The following PROX1 variants were observed in gnomAD, a reference collection of about 807,000 sequenced individuals.
The protein encoded by PROX1 is prospero homeobox 1.
A neutral mutation model predicts 58.8 loss-of-function variants in PROX1; 7 were observed. The ratio of observed to expected loss-of-function variants is 0.12; its 90% CI spans 0.07 to 0.22. PROX1 has a LOEUF of 0.22. Among genes scored for constraint, PROX1 ranks in the 10% least tolerant of loss-of-function variants. PROX1 has a pLI of 1.00. For missense variants in PROX1, 675 were observed against 927.8 expected (o/e 0.73, Z 3.54); for synonymous variants, 350 against 358.3 (o/e 0.98, Z 0.26).
chr1:213,991,157 T>C (rs1663021528), intron 1 of PROX1, among the ~76,000 whole-genome samples: 1 of 152,156 alleles, frequency 6.6e-6, no homozygotes, highest in Non-Finnish European at 1.5e-5. Context: ...AATAGTAAAA[T>C]AGGTGAAGCT....
At chr1:214,020,729 T>C (rs898992985) in intron 4 of PROX1, among the ~76,000 whole-genome samples, 1 of 152,234 alleles carries the variant, frequency 6.6e-6, no homozygotes, top group Non-Finnish European at 1.5e-5. Context: ...TTTTAAATTC[T>C]CTAACTACTG....
At chr1:214,008,101 G>A (rs1663780583) in intron 3 of PROX1, among the ~76,000 whole-genome samples, 1 of 151,914 alleles carries the variant, frequency 6.6e-6, no homozygotes, top group Non-Finnish European at 1.5e-5. Flanking sequence ...ACCCAGGCTG[G>A]AGTGCAATGG....
chr1:213,992,974 A>G (rs1042605546), intron 1 of PROX1, among the ~76,000 whole-genome samples: 8 of 152,182 alleles, frequency 5.3e-5, no homozygotes, highest in African/African-American at 1.2e-4. Flanking sequence ...GATAATTCAG[A>G]TATTAAAGGA....
At chr1:214,023,776 A>G (rs1397622159) in intron 4 of PROX1, among the ~76,000 whole-genome samples, 1 of 152,160 alleles carries the variant, frequency 6.6e-6, no homozygotes, top group Non-Finnish European at 1.5e-5. Context: ...TGTTTTCTTA[A>G]GGCTACATTA....
At position 213,996,451 on chromosome 1, in the gene PROX1, T is replaced by G. The variant is rs139160064; in HGVS notation, c.-67-18T>G. 2.5e-3 allele frequency: 3,738 copies of G among 1,470,692 alleles called. 6 individuals are homozygous for G. Among genetic ancestry groups the G allele is most frequent in the Non-Finnish European group, 3.0e-3 (3,320 of 1,093,840 alleles). The allele number at this position is 1,470,692 out of a possible 1,614,324, so 91.1% of individuals were successfully genotyped here. ...TTTAAAGAAAATGATTCATCAGTCC[T>G]TTTGTTCTGTTGGCCAGGGTCCCGG... On this transcript the variant is annotated intron_variant, in intron 1 of 4. Coordinates refer to ENST00000366958, the MANE Select transcript of PROX1 (RefSeq NM_001270616.2).
intron 4 of PROX1, among the ~76,000 whole-genome samples, chr1:214,035,038 A>T (rs1181488737): frequency 6.6e-6 from 1 of 152,136 alleles, no homozygotes; most frequent in African/African-American, 2.4e-5. Context: ...ATATTTTAGG[A>T]TCAGTTTTGT....
intron 3 of PROX1, 101 bp from the exon 4 acceptor site, chr1:214,011,420 G>T: frequency 9.0e-7 from 1 of 1,114,692 alleles, no homozygotes; most frequent in Non-Finnish European, 1.3e-6. Flanking sequence ...ATCTTTCCAA[G>T]TAAAGAAGGG....
At chr1:213,987,545 A>C (rs1370752329), upstream of PROX1, 1 of 149,606 alleles carries the variant, frequency 6.7e-6, no homozygotes, top group African/African-American at 2.5e-5. Context: ...GTATCTGGGA[A>C]ATGAAAAAAG....
chr1:213,992,143 A>G (rs1252194802), intron 1 of PROX1, among the ~76,000 whole-genome samples: 1 of 152,226 alleles, frequency 6.6e-6, no homozygotes, highest in Non-Finnish European at 1.5e-5. Flanking sequence ...GGCATGTCTC[A>G]GAAAATGTTC....
At chr1:214,005,428 T>C (rs1048280889) in intron 3 of PROX1, among the ~76,000 whole-genome samples, 156 bp downstream of exon 3, 27 of 152,218 alleles carry the variant, frequency 1.8e-4, no homozygotes, top group African/African-American at 6.3e-4. Flanking sequence ...TAAAGGTGTG[T>C]TAAGCAAAGA....
rs1464140092 is a variant in PROX1 at position 214,040,755 on chromosome 1, TTTTG to T, written c.*4929_*4932del. On this transcript the variant is annotated 3_prime_UTR_variant, in exon 5 of 5. Transcript: ENST00000366958. ...TGAACTGATAAAGTCAATTTTTGAT[TTTTG>T]TTTGTTTTTTTTAGCTAGAGGCAAT... is the stretch of plus-strand genomic sequence containing the variant. 4.6e-5 allele frequency: 7 copies of T among 152,154 alleles called. No individual in the cohort carries two copies. The highest frequency in any genetic ancestry group is 7.2e-5 in the African/African-American group (3 of 41,460). 9.4% of individuals were successfully genotyped at this position (152,154 alleles called of 1,614,324 possible).
At chr1:214,005,688 T>G (rs539050317) in intron 3 of PROX1, among the ~76,000 whole-genome samples, 1 of 152,340 alleles carries the variant, frequency 6.6e-6, no homozygotes, top group South Asian at 2.1e-4. Flanking sequence ...AGCACCTCTT[T>G]TTCCCCCTGT....
At chr1:214,010,702 G>A (rs1442057014) in intron 3 of PROX1, among the ~76,000 whole-genome samples, 3 of 152,270 alleles carry the variant, frequency 2.0e-5, no homozygotes, top group Non-Finnish European at 2.9e-5. Flanking sequence ...AAGGTCATCA[G>A]GAAACCTTGG....
chr1:214,000,043 T>TACACACAC (rs10536742), intron 2 of PROX1, among the ~76,000 whole-genome samples: 7 of 149,146 alleles, frequency 4.7e-5, no homozygotes, highest in African/African-American at 1.7e-4. Flanking sequence ...CTCTCTCTCT[T>TACACACAC]ACACACACAC....
intron 1 of PROX1, among the ~76,000 whole-genome samples, chr1:213,993,884 G>A (rs752311578): frequency 4.6e-5 from 7 of 152,112 alleles, no homozygotes; most frequent in Admixed American, 2.0e-4. Context: ...GATACAAATC[G>A]TTATTTAATC....
chr1:214,012,346 C>T (rs1362556638), intron 4 of PROX1, among the ~76,000 whole-genome samples: 1 of 152,172 alleles, frequency 6.6e-6, no homozygotes, highest in Non-Finnish European at 1.5e-5. Flanking sequence ...GCATGCTGCT[C>T]TTTGTACAAA....
intron 4 of PROX1, among the ~76,000 whole-genome samples, chr1:214,016,120 G>A (rs1366030502): frequency 1.3e-5 from 2 of 152,116 alleles, no homozygotes; most frequent in Non-Finnish European, 2.9e-5. Context: ...ACATGACAGG[G>A]AAGAAGGGTA....
At chr1:214,031,612 C>A (rs1160996765) in intron 4 of PROX1, among the ~76,000 whole-genome samples, 2 of 152,072 alleles carry the variant, frequency 1.3e-5, no homozygotes, top group Admixed American at 1.3e-4. Context: ...TTAAAAGAAA[C>A]CTAGATAAGG....
Position 214,025,802 on chromosome 1 carries a change from C to T in PROX1, c.2029-9847C>T, listed in dbSNP as rs370442376. On this transcript the variant is annotated intron_variant, in intron 4 of 4. Coordinates refer to ENST00000366958, the MANE Select transcript of PROX1 (RefSeq NM_001270616.2). Reference sequence around the variant, plus strand: ...TCAGCCTCCTGAATAGCTGGGATTGCGGGCGCCAGCCACCACGCCCGGCTA... The same window carrying T: ...TCAGCCTCCTGAATAGCTGGGATTGTGGGCGCCAGCCACCACGCCCGGCTA... Among the ~76,000 whole-genome samples, 44 of 152,106 alleles carry T rather than the reference C, an allele frequency of 2.9e-4. No homozygotes were observed. In the South Asian group the frequency reaches 8.3e-3, roughly 29 times the overall value.
Sources: gnomAD v4.1 joint callset for allele counts (sites outside exome capture counted in the v4.1 genomes callset) on GRCh38, gnomAD v4.1.1 for gene constraint, MANE v1.5 for transcripts, NCBI Gene and HGNC (gene_info 2026-07-23, HGNC 2026-07-21) for gene names.